Variants in PRAMEF17 observed in about 807,000 individuals in gnomAD.
The protein encoded by PRAMEF17 is PRAME family member 17.
In PRAMEF17, 48 loss-of-function variants were observed where a neutral mutation model predicts 36.8. The observed-to-expected ratio is 1.30, with a 90% CI of 1.03 to 1.66. The LOEUF is 1.66. Among genes scored for constraint, PRAMEF17 ranks in the 40% most tolerant of loss-of-function variants. PRAMEF17 has a pLI of 0.00. For missense variants in PRAMEF17, 639 were observed against 560.6 expected (o/e 1.14, Z -1.41); for synonymous variants, 246 against 220.4 (o/e 1.12, Z -1.03).
In PRAMEF17 at chr1:13,392,591, GTT is replaced by G; in HGVS notation, c.*98_*99del. 1 of 1,422,676 alleles carries G rather than the reference GTT, an allele frequency of 7.0e-7. No homozygotes were observed. The highest frequency in any genetic ancestry group is 9.5e-7 in the Non-Finnish European group (1 of 1,050,382). 88.1% of individuals were successfully genotyped at this position (1,422,676 alleles called of 1,614,324 possible). A position where few individuals can be genotyped will look rare whatever the true frequency, so the allele number is the denominator to read the frequency against. ...CACAGGTGGGTTTTTTTGTTTTTTT[GTT>G]TTTTTTTTGATGGAGTCTCGCTCTG... On this transcript the variant is annotated 3_prime_UTR_variant, in exon 3 of 3. Coordinates refer to ENST00000376098, the MANE Select transcript of PRAMEF17 (RefSeq NM_001099851.3).
rs764756498 is a variant in PRAMEF17 at position 13,392,463 on chromosome 1, A to C, written c.1386A>C (p.Ser462=). 1 of 1,612,008 alleles carries C rather than the reference A, an allele frequency of 6.2e-7. No homozygotes were observed. The highest frequency in any genetic ancestry group is 1.1e-5 in the South Asian group (1 of 90,984). Residue 462 remains serine (S), a synonymous_variant, in exon 3 of 3, where the codon TCA becomes TCC. Transcript: ENST00000376098. ...FGPIPCPSCG[S]WPSEKVDFHL... ...CCATCCCCTGCCCTTCCTGTGGCTCATGGCCATCTGAGAAAGTGGACTTCC... is the reference window on the plus strand; with the variant it reads ...CCATCCCCTGCCCTTCCTGTGGCTCCTGGCCATCTGAGAAAGTGGACTTCC...
Position 13,389,870 on chromosome 1 carries a change from G to C in PRAMEF17, c.213G>C (p.Lys71Asn). ...FLRLPLGSLM[K>N]TPHLETLQAV... ...GCCTCCCTCTGGGATCCCTGATGAA[G>C]ACACCTCATCTGGAGACCTTGCAAG... The change falls in exon 1 of 3, where the codon AAG (lysine) becomes AAC (asparagine). Residue 71 changes from lysine (K) to asparagine (N), a missense_variant. Coordinates refer to ENST00000376098, the MANE Select transcript of PRAMEF17 (RefSeq NM_001099851.3). The C allele has an allele frequency of 4.3e-6, 7 of 1,613,658 alleles. No individual in the cohort carries two copies. The highest frequency in any genetic ancestry group is 5.9e-6 in the Non-Finnish European group (7 of 1,180,036).
chr1:13,392,241 G>T lies in PRAMEF17; in HGVS notation c.1164G>T (p.Glu388Asp), dbSNP rs747523133. ...CCACCTTCTACTTTCGCGGAAATGA[G>T]ACCTCCACGAATGCTCTGAAAGACC... ...QLTTFYFRGN[E>D]TSTNALKDLL... Residue 388 changes from glutamate (E) to aspartate (D), a missense_variant, in exon 3 of 3, where the codon GAG becomes GAT. Physicochemically the swap from Glu to Asp is conservative, Grantham distance 45. Transcript: ENST00000376098. 6.2e-7 allele frequency: 1 copy of T among 1,611,970 alleles called. No individual in the cohort carries two copies. The highest frequency in any genetic ancestry group is 1.7e-5 in the Admixed American group (1 of 60,008).
rs1640870816 is a variant in PRAMEF17, at chr1:13,390,809, AC to A, written c.757del (p.Gln253SerfsTer22). The A allele has an allele frequency of 6.2e-7, 1 of 1,611,930 alleles. No individual in the cohort carries two copies. Among genetic ancestry groups the A allele is most frequent in the Admixed American group, 1.7e-5 (1 of 59,988 alleles). On this transcript the variant is annotated frameshift_variant, in exon 2 of 3. Transcript: ENST00000376098. LOFTEE classifies it high-confidence loss of function. Reference sequence around the variant, plus strand: ...ACGATGAGTTATATGTAAGCGGCCAACAGCAGTTCGTTCCTGACTTGGACTG... The same window carrying A: ...ACGATGAGTTATATGTAAGCGGCCAAAGCAGTTCGTTCCTGACTTGGACTG... Reference protein sequence around the residue: ...YDDELYVSGQQQFVPDLDCPF... With the variant: ...YDDELYVSGQXQFVPDLDCPF...
chr1:13,392,601 TG>T lies in PRAMEF17; in HGVS notation c.*100del. 6.6e-7 allele frequency: 1 copy of T among 1,517,894 alleles called. No individual in the cohort carries two copies. The highest frequency in any genetic ancestry group is 2.5e-4 in the Middle Eastern group (1 of 4,064). 94.0% of individuals were successfully genotyped at this position (1,517,894 alleles called of 1,614,324 possible). On this transcript the variant is annotated 3_prime_UTR_variant, in exon 3 of 3. Transcript: ENST00000376098. ...TTTTTTTGTTTTTTTGTTTTTTTTTTGATGGAGTCTCGCTCTGTCCCTCAGG... is the reference window on the plus strand; with the variant it reads ...TTTTTTTGTTTTTTTGTTTTTTTTTTATGGAGTCTCGCTCTGTCCCTCAGG...
Position 13,390,850 on chromosome 1 carries a change from T to C in PRAMEF17, c.797T>C (p.Leu266Pro). Residue 266 changes from leucine to proline, a missense_variant, in exon 2 of 3, where the codon CTG becomes CCG. Leu to Pro is a moderately conservative substitution (Grantham distance 98, BLOSUM62 -3). Transcript: ENST00000376098. ...VPDLDCPFLC[L>P]YYPQMLYIRK... The stretch of plus-strand genomic sequence containing the variant: ...GACTTGGACTGTCCATTCCTCTGCC[T>C]GTACTACCCTCAGATGCTTTATATA... 1 of 1,612,066 alleles carries C rather than the reference T, an allele frequency of 6.2e-7. No homozygotes were observed.
Position 13,390,437 on chromosome 1 carries a change from C to T in PRAMEF17, c.384C>T (p.Ala128=), listed in dbSNP as rs1358717230. 1 of 1,611,850 alleles carries T rather than the reference C, an allele frequency of 6.2e-7. No individual in the cohort carries two copies. The highest frequency in any genetic ancestry group is 8.5e-7 in the Non-Finnish European group (1 of 1,179,860). Residue 128 remains alanine, a synonymous_variant, in exon 2 of 3, where the codon GCC becomes GCT. Transcript: ENST00000376098. Reference sequence around the variant, plus strand: ...GGGCCCTCTCCTGCTCCCCAGAGGCCATGAGTAAGAGGCAGACAGTGGAGG... The same window carrying T: ...GGGCCCTCTCCTGCTCCCCAGAGGCTATGAGTAAGAGGCAGACAGTGGAGG... ...GARALSCSPE[A]MSKRQTVEDY...
At chr1:13,390,015 G>C in intron 1 of PRAMEF17, 71 bp downstream of exon 1, 13 of 1,608,954 alleles carry the variant, frequency 8.1e-6, no homozygotes, top group Non-Finnish European at 1.1e-5. Context: ...CTCAGGAGGA[G>C]TGGTGGGGTT....
In PRAMEF17 at chr1:13,389,817, C is replaced by A; in HGVS notation, c.160C>A (p.Leu54Met). 4 of 1,613,560 alleles carry A rather than the reference C, an allele frequency of 2.5e-6. No homozygotes were observed. The African/African-American group carries it at 4.0e-5, about 16-fold the overall frequency. Reference sequence around the variant, plus strand: ...CATGAGACATTTTGAGGCCCTGAAGCTGATGGTGCAGGCCTGGCCCTTCCT... The same window carrying A: ...CATGAGACATTTTGAGGCCCTGAAGATGATGGTGCAGGCCTGGCCCTTCCT... ...SSMRHFEALKLMVQAWPFLRL... is the reference protein window; with the variant it reads ...SSMRHFEALKMMVQAWPFLRL... Residue 54 changes from leucine to methionine, a missense_variant, in exon 1 of 3, where the codon CTG (leucine) becomes ATG (methionine). By Grantham distance (15) the Leu-to-Met change is conservative. Transcript: ENST00000376098.
intron 2 of PRAMEF17, among the ~76,000 whole-genome samples, chr1:13,391,722 T>A (rs1261330708): frequency 6.6e-6 from 1 of 152,094 alleles, no homozygotes; most frequent in East Asian, 1.9e-4. Context: ...ATGATCTGGG[T>A]CTTCATCAGG....
rs1640886469 is a variant in PRAMEF17, at chr1:13,391,798, T to G, written c.867-146T>G. 3.2e-6 allele frequency: 4 copies of G among 1,244,374 alleles called. No individual in the cohort carries two copies. The Admixed American group carries it at 8.2e-5, about 25-fold the overall frequency. 77.1% of individuals were successfully genotyped at this position (1,244,374 alleles called of 1,614,324 possible). On this transcript the variant is annotated intron_variant, in intron 2 of 2. Transcript: ENST00000376098. ...AACTTGTGTTTGAGTGAAACAGGCT[T>G]CCCCATTGCAGGTTACTACAACACC...
chr1:13,391,894 C>T (rs370301069), intron 2 of PRAMEF17, 50 bp from the exon 3 acceptor site: 175 of 1,600,330 alleles, frequency 1.1e-4, no homozygotes, highest in Admixed American at 2.2e-4. Flanking sequence ...TTCCCACCCC[C>T]CTCCTCCAAC....
Position 13,390,608 on chromosome 1 carries a change from G to C in PRAMEF17, c.555G>C (p.Val185=). Residue 185 remains valine (V), a synonymous_variant, in exon 2 of 3, where the codon GTG becomes GTC. Coordinates refer to ENST00000376098, the MANE Select transcript of PRAMEF17 (RefSeq NM_001099851.3). The part of the protein sequence containing the change: ...RGLVHLCCNK[V]QNYSMPTSSF... ...TAGTGCACCTGTGTTGTAATAAGGT[G>C]CAGAATTACTCAATGCCCACTTCAA... The C allele has an allele frequency of 1.2e-6, 2 of 1,612,030 alleles. No homozygotes were observed. Among genetic ancestry groups the C allele is most frequent in the Non-Finnish European group, 1.7e-6 (2 of 1,179,872 alleles).
chr1:13,391,942 A>G lies in PRAMEF17; in HGVS notation c.867-2A>G. ...CCATAACTAATTTCTTGCTCTCCCCAGGTGCCTCAAGAACCCCTTGGGAAC... is the reference window on the plus strand; with the variant it reads ...CCATAACTAATTTCTTGCTCTCCCCGGGTGCCTCAAGAACCCCTTGGGAAC... On this transcript the variant is annotated splice_acceptor_variant, in intron 2 of 2. Coordinates refer to ENST00000376098, the MANE Select transcript of PRAMEF17 (RefSeq NM_001099851.3). LOFTEE classifies it high-confidence loss of function. The G allele has an allele frequency of 6.2e-7, 1 of 1,610,362 alleles. No individual in the cohort carries two copies. The highest frequency in any genetic ancestry group is 1.1e-5 in the South Asian group (1 of 90,852).
chr1:13,392,582 T>C lies in PRAMEF17; in HGVS notation c.*80T>C. 1 of 1,568,582 alleles carries C rather than the reference T, an allele frequency of 6.4e-7. No individual in the cohort carries two copies. The highest frequency in any genetic ancestry group is 1.2e-5 in the South Asian group (1 of 84,774). On this transcript the variant is annotated 3_prime_UTR_variant, in exon 3 of 3. Transcript: ENST00000376098. ...AATCTAGGACACAGGTGGGTTTTTTTGTTTTTTTGTTTTTTTTTTGATGGA... is the reference window on the plus strand; with the variant it reads ...AATCTAGGACACAGGTGGGTTTTTTCGTTTTTTTGTTTTTTTTTTGATGGA...
chr1:13,390,181 G>A (rs1359668853), intron 1 of PRAMEF17, among the ~76,000 whole-genome samples, 160 bp from the exon 2 acceptor site: 1 of 151,770 alleles, frequency 6.6e-6, no homozygotes, highest in Non-Finnish European at 1.5e-5. Flanking sequence ...CTAGAAGTGA[G>A]AACCAGGCAG....
At chr1:13,391,668 A>C (rs1375848623) in intron 2 of PRAMEF17, among the ~76,000 whole-genome samples, 1 of 152,182 alleles carries the variant, frequency 6.6e-6, no homozygotes, top group Non-Finnish European at 1.5e-5. Context: ...CTAATCACAC[A>C]AGCAAGGCTG....
In PRAMEF17 at chr1:13,390,013, G is replaced by A; in HGVS notation, c.287+69G>A. ...AGGGAAGGGACAGCTGGCTCAGGAG[G>A]AGTGGTGGGGTTGGGGAGCTAGGGT... On this transcript the variant is annotated intron_variant, in intron 1 of 2. Transcript: ENST00000376098. The A allele has an allele frequency of 2.5e-6, 4 of 1,609,424 alleles. No homozygotes were observed. The Admixed American group carries it at 5.0e-5, about 20-fold the overall frequency.
intron 1 of PRAMEF17, 124 bp downstream of exon 1, chr1:13,390,068 G>C: frequency 6.7e-7 from 1 of 1,492,714 alleles, no homozygotes; most frequent in South Asian, 1.2e-5. Flanking sequence ...GTGCCCATGA[G>C]AGACCTTGAC....
Sources: gnomAD v4.1 joint callset for allele counts (sites outside exome capture counted in the v4.1 genomes callset) on GRCh38, gnomAD v4.1.1 for gene constraint, MANE v1.5 for transcripts, NCBI Gene and HGNC (gene_info 2026-07-23, HGNC 2026-07-21) for gene names.